Variants in TMEM108 observed in about 807,000 individuals in gnomAD.
The protein encoded by TMEM108 is cancer/testis antigen 124.
TMEM108 carries 12 observed loss-of-function variants against 35.1 expected under a neutral mutation model. That is an observed-to-expected ratio of 0.34 (90% confidence interval 0.22 to 0.55). TMEM108 has a LOEUF of 0.55. TMEM108 is among the 20% of genes least tolerant of loss of function. The pLI is 0.89. For missense variants in TMEM108, 680 were observed against 753.3 expected, an observed-to-expected ratio of 0.90 and a Z score of 1.14; for synonymous variants, 287 against 308.6, an observed-to-expected ratio of 0.93 and a Z score of 0.73.
chr3:133,193,382 G>A (rs1293801031), intron 2 of TMEM108, among the ~76,000 whole-genome samples: 2 of 152,096 alleles, frequency 1.3e-5, no homozygotes, highest in Non-Finnish European at 2.9e-5. Context: ...TGATGATGTG[G>A]GCATTTGGTA....
intron 2 of TMEM108, among the ~76,000 whole-genome samples, chr3:133,142,619 G>C (rs527848880): frequency 5.3e-5 from 8 of 152,132 alleles, no homozygotes; most frequent in Non-Finnish European, 1.2e-4. Flanking sequence ...CATAAAGTTC[G>C]TTCTAGAAAT....
intron 3 of TMEM108, among the ~76,000 whole-genome samples, chr3:133,256,424 A>T (rs1434838084): frequency 1.3e-5 from 2 of 152,236 alleles, no homozygotes; most frequent in Non-Finnish European, 2.9e-5. Flanking sequence ...ATAGTAGTCA[A>T]CCCAAGCAAA....
At chr3:133,347,351 A>G (rs1467082464) in intron 3 of TMEM108, among the ~76,000 whole-genome samples, 2 of 152,036 alleles carry the variant, frequency 1.3e-5, no homozygotes, top group African/African-American at 2.4e-5. Context: ...GATCTTGTAC[A>G]TATTTTGTTA....
intron 2 of TMEM108, among the ~76,000 whole-genome samples, chr3:133,073,415 G>A (rs1384641196): frequency 2.7e-5 from 4 of 145,594 alleles, no homozygotes; most frequent in Admixed American, 2.1e-4. Flanking sequence ...ACTTAACATA[G>A]TGTCTTGTCC....
At chr3:133,124,751 G>T (rs1321017285) in intron 2 of TMEM108, 1 of 152,454 alleles carries the variant, frequency 6.6e-6, no homozygotes, top group African/African-American at 2.4e-5. Flanking sequence ...AACTTTCAGA[G>T]AAGGGGAGTG....
chr3:133,199,485 TTG>T (rs779034218), intron 2 of TMEM108, among the ~76,000 whole-genome samples: 3 of 152,234 alleles, frequency 2.0e-5, no homozygotes, highest in Non-Finnish European at 4.4e-5. Context: ...TCCTTTCTGT[TTG>T]TTAGTTTTCC....
chr3:133,150,315 G>C (rs1944779375), intron 2 of TMEM108, among the ~76,000 whole-genome samples: 1 of 130,492 alleles, frequency 7.7e-6, no homozygotes, highest in Non-Finnish European at 1.6e-5. Context: ...CAGGTCCTTT[G>C]CCCATTTAAA....
intron 3 of TMEM108, among the ~76,000 whole-genome samples, chr3:133,287,313 G>C (rs1048248239): frequency 1.3e-5 from 2 of 152,164 alleles, no homozygotes; most frequent in African/African-American, 4.8e-5. Flanking sequence ...GGGTATGAGT[G>C]ACCTCAGTTA....
rs560685946 is a variant in TMEM108 at position 133,286,761 on chromosome 3, G to A, written c.40+57410G>A. ...AAAACAGTAGTGAAATATCTGGGCC[G>A]TTGGCCACTAAATGGTCCTGAGCAC... is the stretch of plus-strand genomic sequence containing the variant. On this transcript the variant is annotated intron_variant, in intron 3 of 5. Coordinates refer to ENST00000321871, the MANE Select transcript of TMEM108 (RefSeq NM_023943.4). Among the ~76,000 whole-genome samples, 12 of 152,302 alleles carry A rather than the reference G, an allele frequency of 7.9e-5. No individual in the cohort carries two copies. The South Asian group carries it at 1.9e-3, about 24-fold the overall frequency.
At chr3:133,046,283 A>G (rs934629237) in intron 2 of TMEM108, among the ~76,000 whole-genome samples, 2 of 152,156 alleles carry the variant, frequency 1.3e-5, no homozygotes, top group South Asian at 2.1e-4. Flanking sequence ...GGTGTGATTT[A>G]TATGGGAGGG....
At chr3:133,081,561 A>G (rs1943811138) in intron 2 of TMEM108, among the ~76,000 whole-genome samples, 1 of 152,212 alleles carries the variant, frequency 6.6e-6, no homozygotes, top group South Asian at 2.1e-4. Flanking sequence ...TTCTTGCTAT[A>G]TGGAATATAG....
chr3:133,304,382 A>G (rs2107705780), intron 3 of TMEM108, among the ~76,000 whole-genome samples: 2 of 152,220 alleles, frequency 1.3e-5, no homozygotes, highest in South Asian at 4.1e-4. Context: ...AAATTTACCC[A>G]TTGTAGGTAT....
At chr3:133,047,365 A>G (rs4370030) in intron 2 of TMEM108, among the ~76,000 whole-genome samples, 61,283 of 152,140 alleles carry the variant, frequency 0.4, 12,901 homozygotes, top group Admixed American at 0.51. Flanking sequence ...GCATGTCAGA[A>G]ATAGCACTTG....
chr3:133,286,376 C>T (rs1452004517), intron 3 of TMEM108, among the ~76,000 whole-genome samples: 3 of 152,138 alleles, frequency 2.0e-5, no homozygotes, highest in Non-Finnish European at 4.4e-5. Context: ...CTCTGCTGCT[C>T]AGGCTGGTGT....
intron 2 of TMEM108, among the ~76,000 whole-genome samples, chr3:133,210,067 A>G (rs1945814244): frequency 6.6e-6 from 1 of 152,080 alleles, no homozygotes; most frequent in South Asian, 2.1e-4. Context: ...ACACTGACTC[A>G]CTCCTTTGCT....
chr3:133,161,177 A>G (rs145447631), intron 2 of TMEM108, among the ~76,000 whole-genome samples: 297 of 152,324 alleles, frequency 1.9e-3, no homozygotes, highest in Non-Finnish European at 3.6e-3. Flanking sequence ...ATTCAGCCAC[A>G]CCAACCTTCT....
At chr3:133,053,764 A>G (rs910557200) in intron 2 of TMEM108, among the ~76,000 whole-genome samples, 1 of 152,190 alleles carries the variant, frequency 6.6e-6, no homozygotes, top group Non-Finnish European at 1.5e-5. Flanking sequence ...TGGTCAGTCC[A>G]TATTCTACTT....
chr3:133,323,497 T>C lies in TMEM108; in HGVS notation c.41-56255T>C, dbSNP rs546812339. Among the ~76,000 whole-genome samples, 45 of 152,184 alleles carry C rather than the reference T, an allele frequency of 3.0e-4. No homozygotes were observed. In the South Asian group the frequency reaches 9.4e-3, roughly 32 times the overall value. On this transcript the variant is annotated intron_variant, in intron 3 of 5. Coordinates refer to ENST00000321871, the MANE Select transcript of TMEM108 (RefSeq NM_023943.4). ...GGTGAAAGATCTCTACAAGGAAAAC[T>C]ACAGAACAGTACTGAAAGAAATTAT...
intron 2 of TMEM108, among the ~76,000 whole-genome samples, chr3:133,050,119 T>C (rs1003268652): frequency 3.3e-5 from 5 of 152,090 alleles, no homozygotes; most frequent in Admixed American, 6.6e-5. Flanking sequence ...TTCAAAGATA[T>C]AAAGTTTCCT....
Sources: gnomAD v4.1 joint callset for allele counts (sites outside exome capture counted in the v4.1 genomes callset) on GRCh38, gnomAD v4.1.1 for gene constraint, MANE v1.5 for transcripts, NCBI Gene and HGNC (gene_info 2026-07-23, HGNC 2026-07-21) for gene names.